CDH13: variants seen among roughly 807,000 people sequenced by gnomAD.
CDH13 encodes cadherin-13.
Under a neutral mutation model 63.8 loss-of-function variants are expected in CDH13, and 24 were observed. That is an observed-to-expected ratio of 0.38 (90% CI 0.27 to 0.53). The LOEUF is 0.53. Among genes scored for constraint, CDH13 ranks in the 20% least tolerant of loss-of-function variants. The probability of loss-of-function intolerance (pLI) is 0.85; values close to 1 mark genes in which losing one functional copy is unlikely to be tolerated. For missense variants in CDH13, 1,049 were observed against 903.1 expected, an observed-to-expected ratio of 1.16 and a Z score of -2.07; for synonymous variants, 503 against 355.3, an observed-to-expected ratio of 1.42 and a Z score of -4.67.
intron 1 of CDH13, among the ~76,000 whole-genome samples, chr16:82,813,275 A>C (rs9923993): frequency 0.16 from 24,861 of 152,040 alleles, 2,155 homozygotes; most frequent in Admixed American, 0.21. Flanking sequence ...TTGGGGAAGG[A>C]GATGGGAGAT....
At chr16:83,002,171 G>A (rs758352243) in intron 2 of CDH13, among the ~76,000 whole-genome samples, 1 of 152,176 alleles carries the variant, frequency 6.6e-6, no homozygotes, top group African/African-American at 2.4e-5. Flanking sequence ...TTGGAAAAAG[G>A]GTCTTTGAAG....
At chr16:83,328,132 A>C (rs2090405973) in intron 5 of CDH13, among the ~76,000 whole-genome samples, 1 of 135,562 alleles carries the variant, frequency 7.4e-6, no homozygotes, top group Admixed American at 8.0e-5. Context: ...TCAAAAAAAA[A>C]AAAAAAGAAA....
chr16:82,876,360 A>G (rs2040502662), intron 2 of CDH13, among the ~76,000 whole-genome samples: 1 of 152,246 alleles, frequency 6.6e-6, no homozygotes, highest in South Asian at 2.1e-4. Context: ...AGATAATTAA[A>G]TAATCTTTGA....
intron 2 of CDH13, among the ~76,000 whole-genome samples, chr16:82,889,169 C>A (rs1355011335): frequency 6.6e-6 from 1 of 152,092 alleles, no homozygotes; most frequent in African/African-American, 2.4e-5. Context: ...TCCTTTTGTT[C>A]AAAAAATACC....
intron 3 of CDH13, among the ~76,000 whole-genome samples, chr16:83,105,641 A>T (rs2034726557): frequency 6.6e-6 from 1 of 151,056 alleles, no homozygotes; most frequent in Non-Finnish European, 1.5e-5. Flanking sequence ...TGAATTAAAT[A>T]GATACTACTT....
chr16:83,043,825 T>G (rs2151492061), intron 3 of CDH13, among the ~76,000 whole-genome samples: 1 of 139,822 alleles, frequency 7.2e-6, no homozygotes, highest in Non-Finnish European at 1.5e-5. Flanking sequence ...AGTGTGACTC[T>G]ATCTCAAAAA....
chr16:83,177,782 C>G (rs2038187919), intron 4 of CDH13, among the ~76,000 whole-genome samples: 1 of 152,096 alleles, frequency 6.6e-6, no homozygotes, highest in Non-Finnish European at 1.5e-5. Flanking sequence ...GAATGTCAAA[C>G]CAAATTGAGT....
At chr16:83,033,846 C>T (rs898893973) in intron 3 of CDH13, among the ~76,000 whole-genome samples, 5 of 152,172 alleles carry the variant, frequency 3.3e-5, no homozygotes, top group African/African-American at 9.6e-5. Context: ...TGATGGCATG[C>T]CCCTGCTTGG....
At chr16:82,741,073 C>G (rs149349382) in intron 1 of CDH13, among the ~76,000 whole-genome samples, 193 of 152,276 alleles carry the variant, frequency 1.3e-3, no homozygotes, top group African/African-American at 4.5e-3. Flanking sequence ...CTCACTCTCC[C>G]CACACCCCCA....
chr16:83,325,307 A>T (rs2090336239), intron 5 of CDH13, among the ~76,000 whole-genome samples: 1 of 152,140 alleles, frequency 6.6e-6, no homozygotes, highest in Non-Finnish European at 1.5e-5. Context: ...AGAGAGGGGG[A>T]GGGAGGAAGA....
chr16:83,372,022 G>A (rs939263362), intron 6 of CDH13, among the ~76,000 whole-genome samples: 2 of 152,208 alleles, frequency 1.3e-5, no homozygotes, highest in African/African-American at 4.8e-5. Flanking sequence ...TCAGTTCCAC[G>A]TAAGTGGGTG....
chr16:83,492,326 T>C (rs1025408390), intron 7 of CDH13, among the ~76,000 whole-genome samples: 1 of 152,242 alleles, frequency 6.6e-6, no homozygotes, highest in Non-Finnish European at 1.5e-5. Context: ...TTTCTCATTA[T>C]CATCATGTTT....
chr16:83,507,229 G>A (rs1438978347), intron 7 of CDH13, among the ~76,000 whole-genome samples: 1 of 152,088 alleles, frequency 6.6e-6, no homozygotes, highest in African/African-American at 2.4e-5. Context: ...ACTGTCACAA[G>A]GAAAAGCAAT....
chr16:83,059,713 A>G (rs1482393899), intron 3 of CDH13, among the ~76,000 whole-genome samples: 1 of 151,496 alleles, frequency 6.6e-6, no homozygotes, highest in East Asian at 1.9e-4. Context: ...GAGCTTAAAG[A>G]CAGGGTGCTT....
intron 7 of CDH13, among the ~76,000 whole-genome samples, chr16:83,543,025 G>A (rs554207550): frequency 3.9e-5 from 6 of 152,336 alleles, no homozygotes; most frequent in Middle Eastern, 3.4e-3. Context: ...GCTTGAGAAC[G>A]ACTGCCTTGT....
In CDH13 at chr16:83,783,354, C is replaced by T. The variant is rs532343859; in HGVS notation, c.2016C>T (p.Ile672=). 1.2e-5 allele frequency: 20 copies of T among 1,613,936 alleles called. No homozygotes were observed. The South Asian group carries it at 1.3e-4, about 11-fold the overall frequency. The change falls in exon 13 of 14, where the codon ATC becomes ATT. Residue 672 remains isoleucine (I), a synonymous_variant. Coordinates refer to ENST00000567109, the MANE Select transcript of CDH13 (RefSeq NM_001257.5). ...TDSGKPPMTN[I]TDLRVQVCSC... Reference sequence around the variant, plus strand: ...CAGGGAAACCACCCATGACGAATATCACAGATCTCAGGGTACAAGTGTGCT... The same window carrying T: ...CAGGGAAACCACCCATGACGAATATTACAGATCTCAGGGTACAAGTGTGCT...
chr16:83,157,549 A>C (rs1055524993), intron 4 of CDH13, among the ~76,000 whole-genome samples: 2 of 152,120 alleles, frequency 1.3e-5, no homozygotes, highest in Non-Finnish European at 2.9e-5. Flanking sequence ...CTTTCTTTTT[A>C]TGGAAACGCA....
At chr16:83,315,857 T>C (rs1458406393) in intron 5 of CDH13, among the ~76,000 whole-genome samples, 1 of 152,190 alleles carries the variant, frequency 6.6e-6, no homozygotes, top group African/African-American at 2.4e-5. Flanking sequence ...CCAGGAACTA[T>C]GCTAGGTTCT....
intron 1 of CDH13, among the ~76,000 whole-genome samples, chr16:82,789,721 C>A (rs1531436): frequency 0.99 from 150,317 of 152,276 alleles, 74,224 homozygotes; most frequent in Middle Eastern, 1. Flanking sequence ...GCTATTTTTA[C>A]ACAGTGTGAA....
Sources: gnomAD v4.1 joint callset for allele counts (sites outside exome capture counted in the v4.1 genomes callset) on GRCh38, gnomAD v4.1.1 for gene constraint, MANE v1.5 for transcripts, NCBI Gene and HGNC (gene_info 2026-07-23, HGNC 2026-07-21) for gene names.